ZNF57: variants seen among roughly 807,000 people sequenced by gnomAD.
ZNF57 encodes the protein zinc finger protein 57.
A neutral mutation model predicts 13.4 loss-of-function variants in ZNF57; 11 were observed. The ratio of observed to expected loss-of-function variants is 0.82; its 90% CI spans 0.52 to 1.36. The LOEUF (loss-of-function observed/expected upper bound fraction) is 1.36, where lower values mean the gene tolerates loss of function less well. Among genes scored for constraint, ZNF57 ranks in the 40% most tolerant of loss-of-function variants. The pLI, the probability that ZNF57 is intolerant of heterozygous loss-of-function variation, is 0.00. For missense variants in ZNF57, 696 were observed against 667.5 expected (o/e 1.04, Z -0.47); for synonymous variants, 224 against 238.5 (o/e 0.94, Z 0.56).
intron 1 of ZNF57, among the ~76,000 whole-genome samples, chr19:2,911,375 C>T (rs1568181494): frequency 6.6e-6 from 1 of 151,376 alleles, no homozygotes; most frequent in Non-Finnish European, 1.5e-5. Flanking sequence ...TACAAAAATA[C>T]CAAAAAAATT....
At position 2,917,262 on chromosome 19, in the gene ZNF57, A is replaced by G. The variant is rs183418172; in HGVS notation, c.641A>G (p.His214Arg). 1 of 1,614,202 alleles carries G rather than the reference A, an allele frequency of 6.2e-7. No individual in the cohort carries two copies. The highest frequency in any genetic ancestry group is 8.5e-7 in the Non-Finnish European group (1 of 1,180,044). ...TFQHPRYLSH[H>R]VKTHTAEKTY... ...CAACATCCTCGTTACCTCTCCCACC[A>G]CGTAAAGACTCACACAGCAGAGAAA... Residue 214 changes from histidine (H) to arginine (R), a missense_variant, in exon 4 of 4, where the codon CAC becomes CGC. By Grantham distance (29) the His-to-Arg change is conservative. Coordinates refer to ENST00000306908, the MANE Select transcript of ZNF57 (RefSeq NM_173480.3).
rs1391689400 is a variant in ZNF57, at chr19:2,918,373, T to G, written c.*84T>G. ...GAAAATTCACACCAGGAGAGAAATC[T>G]TACAAGTATGATATTGTCTTTGTCA... On this transcript the variant is annotated 3_prime_UTR_variant, in exon 4 of 4. Transcript: ENST00000306908. The G allele has an allele frequency of 9.9e-6, 14 of 1,418,028 alleles. No homozygotes were observed. Among genetic ancestry groups the G allele is most frequent in the Non-Finnish European group, 1.3e-5 (14 of 1,054,074 alleles). 87.8% of individuals were successfully genotyped at this position (1,418,028 alleles called of 1,614,324 possible). A position where few individuals can be genotyped will look rare whatever the true frequency, so the allele number is the denominator to read the frequency against.
intron 1 of ZNF57, among the ~76,000 whole-genome samples, chr19:2,905,853 G>T (rs1207863676): frequency 4.6e-5 from 7 of 151,372 alleles, no homozygotes; most frequent in Admixed American, 4.6e-4. Context: ...TCAGTTCTTA[G>T]AAGTAGTTTT....
In ZNF57 at chr19:2,917,050, C is replaced by A. The variant is rs1396835741; in HGVS notation, c.429C>A (p.Thr143=). Residue 143 remains threonine (T), a synonymous_variant, in exon 4 of 4, where the codon ACC becomes ACA. Transcript: ENST00000306908. ...CTGGAGAAAAACCATATGAATGCACCAAGTGCAGGACAGTCTTCACGCATC... is the reference window on the plus strand; with the variant it reads ...CTGGAGAAAAACCATATGAATGCACAAAGTGCAGGACAGTCTTCACGCATC... ...VSAGEKPYEC[T]KCRTVFTHLS... is the part of the protein sequence containing the mutation. The A allele has an allele frequency of 1.9e-6, 3 of 1,614,156 alleles. No homozygotes were observed. The highest frequency in any genetic ancestry group is 2.5e-6 in the Non-Finnish European group (3 of 1,180,036).
In ZNF57 at chr19:2,917,605, G is replaced by T; in HGVS notation, c.984G>T (p.Arg328Ser). The change falls in exon 4 of 4, where the codon AGG becomes AGT. Residue 328 changes from arginine (R) to serine (S), a missense_variant. Arg to Ser is a moderately radical substitution (Grantham distance 110). Coordinates refer to ENST00000306908, the MANE Select transcript of ZNF57 (RefSeq NM_173480.3). ...CTGAAACCTTGCGAGTCCACATGAGGATCCACACTGGGGACAAACTCTATA... is the reference window on the plus strand; with the variant it reads ...CTGAAACCTTGCGAGTCCACATGAGTATCCACACTGGGGACAAACTCTATA... ...SWSETLRVHM[R>S]IHTGDKLYKC... is the part of the protein sequence containing the mutation. 6.2e-7 allele frequency: 1 copy of T among 1,613,500 alleles called. No individual in the cohort carries two copies. The highest frequency in any genetic ancestry group is 8.5e-7 in the Non-Finnish European group (1 of 1,179,716).
At chr19:2,903,882 A>C (rs1377915094) in intron 1 of ZNF57, among the ~76,000 whole-genome samples, 1 of 151,770 alleles carries the variant, frequency 6.6e-6, no homozygotes, top group South Asian at 2.1e-4. Context: ...CGCCCGGCTA[A>C]TTTTTTGTAT....
Position 2,913,937 on chromosome 19 carries a change from G to A in ZNF57, c.4-1585G>A, listed in dbSNP as rs1006575074. Among the ~76,000 whole-genome samples, 32 of 152,178 alleles carry A rather than the reference G, an allele frequency of 2.1e-4. 2 individuals are homozygous for A. Among genetic ancestry groups the A allele is most frequent in the East Asian group, 1.9e-4 (1 of 5,164 alleles). ...ATTACAGGCGTGAGCCACCGCGCCC[G>A]GCCAATATTTTGTATTTCTATTGTT... On this transcript the variant is annotated intron_variant, in intron 1 of 3. Coordinates refer to ENST00000306908, the MANE Select transcript of ZNF57 (RefSeq NM_173480.3).
In ZNF57 at chr19:2,917,755, G is replaced by T. The variant is rs764935606; in HGVS notation, c.1134G>T (p.Thr378=). The T allele has an allele frequency of 5.6e-6, 9 of 1,611,294 alleles. No homozygotes were observed. The highest frequency in any genetic ancestry group is 1.1e-5 in the South Asian group (1 of 90,846). The change falls in exon 4 of 4, where the codon ACG becomes ACT. Residue 378 remains threonine, a synonymous_variant. Transcript: ENST00000306908. ...QCGKAFTWSS[T]FREHVRIHTQ... Reference sequence around the variant, plus strand: ...GGAAAGCCTTCACTTGGTCCTCAACGTTTAGAGAACATGTGAGAATTCACA... The same window carrying T: ...GGAAAGCCTTCACTTGGTCCTCAACTTTTAGAGAACATGTGAGAATTCACA...
chr19:2,916,497 G>C (rs1031317224), intron 3 of ZNF57: 1 of 332,794 alleles, frequency 3.0e-6, no homozygotes, highest in South Asian at 4.8e-5. Flanking sequence ...CGGATCACGA[G>C]GTCAGGAGAT....
At chr19:2,906,651 G>A (rs545678341) in intron 1 of ZNF57, among the ~76,000 whole-genome samples, 4 of 152,164 alleles carry the variant, frequency 2.6e-5, no homozygotes, top group South Asian at 4.1e-4. Context: ...ACCAGGGAGC[G>A]TCGTCCTGGC....
chr19:2,918,032 A>G lies in ZNF57; in HGVS notation c.1411A>G (p.Thr471Ala). 6.2e-7 allele frequency: 1 copy of G among 1,614,238 alleles called. No homozygotes were observed. The highest frequency in any genetic ancestry group is 8.5e-7 in the Non-Finnish European group (1 of 1,180,042). ...ATTCCAAGGTCATTTGAGGATGCACACTGGAGAGAAGCCTTATGAGTGTAA... is the reference window on the plus strand; with the variant it reads ...ATTCCAAGGTCATTTGAGGATGCACGCTGGAGAGAAGCCTTATGAGTGTAA... ...RAFQGHLRMH[T>A]GEKPYECKQC... The change falls in exon 4 of 4, where the codon ACT becomes GCT. Residue 471 changes from threonine to alanine, a missense_variant. By Grantham distance (58) the Thr-to-Ala change is moderately conservative. This residue lies in a region of ZNF57 where 645 missense variants were observed against 591.5 expected (regional missense o/e 1.09). Coordinates refer to ENST00000306908, the MANE Select transcript of ZNF57 (RefSeq NM_173480.3).
chr19:2,909,276 T>TTTTTG (rs1555677913), intron 1 of ZNF57, among the ~76,000 whole-genome samples: 5 of 117,090 alleles, frequency 4.3e-5, no homozygotes, highest in Admixed American at 3.0e-4. Flanking sequence ...ATTTTATTTA[T>TTTTTG]TTTTGTTTTT....
intron 1 of ZNF57, among the ~76,000 whole-genome samples, chr19:2,914,193 GAAA>G (rs2088167670): frequency 6.6e-6 from 1 of 151,906 alleles, no homozygotes; most frequent in Non-Finnish European, 1.5e-5. Flanking sequence ...AACTAAAAAA[GAAA>G]AAAGAATGGG....
At chr19:2,912,592 C>T (rs549119074) in intron 1 of ZNF57, among the ~76,000 whole-genome samples, 35 of 152,322 alleles carry the variant, frequency 2.3e-4, no homozygotes, top group Non-Finnish European at 4.0e-4. Flanking sequence ...GACATCAGTT[C>T]TCTGAAGGAT....
intron 1 of ZNF57, among the ~76,000 whole-genome samples, chr19:2,901,583 T>C (rs2088030757): frequency 6.6e-6 from 1 of 151,996 alleles, no homozygotes; most frequent in Admixed American, 6.6e-5. Context: ...TGCAGTGGCG[T>C]GATCTCGGCT....
intron 1 of ZNF57, among the ~76,000 whole-genome samples, chr19:2,902,180 G>C (rs1465625359): frequency 6.9e-6 from 1 of 144,772 alleles, no homozygotes; most frequent in East Asian, 2.1e-4. Flanking sequence ...TGGGGGGATG[G>C]CAAGGGACGG....
chr19:2,911,320 C>T (rs1417763145), intron 1 of ZNF57, among the ~76,000 whole-genome samples: 3 of 152,014 alleles, frequency 2.0e-5, no homozygotes, highest in African/African-American at 7.2e-5. Flanking sequence ...CACCTGAGGT[C>T]AGGAGTTTGA....
intron 1 of ZNF57, among the ~76,000 whole-genome samples, chr19:2,910,589 C>G (rs369272977): frequency 9.3e-6 from 1 of 107,804 alleles, no homozygotes; most frequent in Non-Finnish European, 2.0e-5. Context: ...GCCTCCCCAG[C>G]AGCTGGGACT....
Position 2,918,108 on chromosome 19 carries a change from G to A in ZNF57, c.1487G>A (p.Arg496Lys), listed in dbSNP as rs765706481. Reference protein sequence around the residue: ...TWSSTLHNHVRMHTGEKPHKC... With the variant: ...TWSSTLHNHVKMHTGEKPHKC... The stretch of plus-strand genomic sequence containing the variant: ...TCCTCAACCTTACATAATCATGTGA[G>A]GATGCACACTGGAGAGAAACCTCAC... The change falls in exon 4 of 4, where the codon AGG (arginine) becomes AAG (lysine). Residue 496 changes from arginine to lysine, a missense_variant. Arg to Lys is a conservative substitution (Grantham distance 26). Around this residue, in one of 3 missense-constraint regions of ZNF57, gnomAD observed 645 missense variants for 591.5 expected, o/e 1.09. Coordinates refer to ENST00000306908, the MANE Select transcript of ZNF57 (RefSeq NM_173480.3). 3 of 1,614,206 alleles carry A rather than the reference G, an allele frequency of 1.9e-6. No individual in the cohort carries two copies. Among genetic ancestry groups the A allele is most frequent in the Non-Finnish European group, 2.5e-6 (3 of 1,180,042 alleles).
Sources: gnomAD v4.1 joint callset for allele counts (sites outside exome capture counted in the v4.1 genomes callset) on GRCh38, gnomAD v4.1.1 for gene constraint, gnomAD v4.1.1 regional missense constraint, MANE v1.5 for transcripts, NCBI Gene and HGNC (gene_info 2026-07-23, HGNC 2026-07-21) for gene names.